The following HMCN1 variants were observed in gnomAD, a reference collection of about 807,000 sequenced individuals.
HMCN1 encodes the protein hemicentin-1.
In HMCN1, 321 loss-of-function variants were observed where a neutral mutation model predicts 625.9. The ratio of observed to expected loss-of-function variants is 0.51; its 90% CI spans 0.47 to 0.56. The LOEUF (loss-of-function observed/expected upper bound fraction) is 0.56, where lower values mean the gene tolerates loss of function less well. Ranked by LOEUF, HMCN1 falls within the 20% of genes least tolerant of loss-of-function variation. The pLI, the probability that HMCN1 is intolerant of heterozygous loss-of-function variation, is 0.00. For missense variants in HMCN1, 6,588 were observed against 6,887.3 expected, an observed-to-expected ratio of 0.96 and a Z score of 1.54; for synonymous variants, 2,425 against 2,417.6, an observed-to-expected ratio of 1.00 and a Z score of -0.09.
chr1:186,024,525 G>A (rs539285688), intron 36 of HMCN1, among the ~76,000 whole-genome samples: 3 of 152,170 alleles, frequency 2.0e-5, no homozygotes, highest in Non-Finnish European at 4.4e-5. Context: ...AAACAGTGAA[G>A]TGGGATACAA....
rs1413890407 is a variant in HMCN1 at position 185,977,871 on chromosome 1, A to G, written c.2456A>G (p.Tyr819Cys). ...NVTLPCYVQGYPEPTIKWRRL... is the reference protein window; with the variant it reads ...NVTLPCYVQGCPEPTIKWRRL... ...ACATTACCTTGTTATGTTCAGGGTT[A>G]TCCAGAACCAACAATCAAATGGCGA... Residue 819 changes from tyrosine (Y) to cysteine (C), a missense_variant, in exon 16 of 107, where the codon TAT (tyrosine) becomes TGT (cysteine). By Grantham distance (194) the Tyr-to-Cys change is radical (BLOSUM62 -2). This residue lies in a region of HMCN1 where 4,628 missense variants were observed against 4,853.1 expected (regional missense o/e 0.95). Transcript: ENST00000271588. 4.3e-6 allele frequency: 7 copies of G among 1,613,162 alleles called. No individual in the cohort carries two copies. The East Asian group carries it at 8.9e-5, about 21-fold the overall frequency.
rs541845249 is a variant in HMCN1 at position 186,144,155 on chromosome 1, C to G, written c.13925-18C>G. 1 of 1,576,530 alleles carries G rather than the reference C, an allele frequency of 6.3e-7. No individual in the cohort carries two copies. The highest frequency in any genetic ancestry group is 1.4e-5 in the African/African-American group (1 of 73,356). On this transcript the variant is annotated intron_variant, in intron 89 of 106. Transcript: ENST00000271588. ...ACACGGTTCTGTGACTTGCAACTGT[C>G]TTTTGGGGTGTTTGCAGTTCATGGA...
chr1:186,115,403 G>T lies in HMCN1; in HGVS notation c.11550G>T (p.Gln3850His). The T allele has an allele frequency of 6.2e-7, 1 of 1,613,204 alleles. No individual in the cohort carries two copies. The highest frequency in any genetic ancestry group is 1.1e-5 in the South Asian group (1 of 91,046). Residue 3850 changes from glutamine to histidine, a missense_variant, in exon 75 of 107, where the codon CAG becomes CAT. Around this residue, in one of 3 missense-constraint regions of HMCN1, gnomAD observed 4,628 missense variants for 4,853.1 expected, o/e 0.95. Transcript: ENST00000271588. ...ATCTTCTTAATGTGGATCAAAATCA[G>T]AACTCATACAGGTAAGGATAATTTA... ...NGHLLNVDQN[Q>H]NSYRLLSSGS... is the part of the protein sequence containing the mutation.
At chr1:185,870,269 T>G (rs1457513348) in intron 4 of HMCN1, among the ~76,000 whole-genome samples, 1 of 152,204 alleles carries the variant, frequency 6.6e-6, no homozygotes, top group Non-Finnish European at 1.5e-5. Flanking sequence ...ATTTATATGC[T>G]AGGTGGGTTG....
chr1:185,824,117 T>G (rs1387978530), intron 1 of HMCN1, among the ~76,000 whole-genome samples: 1 of 152,148 alleles, frequency 6.6e-6, no homozygotes, highest in African/African-American at 2.4e-5. Flanking sequence ...ATGTCCTGAG[T>G]ACTTGGCTTT....
chr1:186,103,493 C>G lies in HMCN1; in HGVS notation c.10595C>G (p.Ser3532Cys). 6.2e-7 allele frequency: 1 copy of G among 1,613,080 alleles called. No homozygotes were observed. Among genetic ancestry groups the G allele is most frequent in the Non-Finnish European group, 8.5e-7 (1 of 1,179,192 alleles). The change falls in exon 69 of 107, where the codon TCT (serine) becomes TGT (cysteine). Residue 3532 changes from serine (S) to cysteine (C), a missense_variant. By Grantham distance (112) the Ser-to-Cys change is moderately radical. Transcript: ENST00000271588. The stretch of plus-strand genomic sequence containing the variant: ...ATAGAACCACCTCACATTAATGGAT[C>G]TGAAGAACATGAAGAGATATCAGTA... ...KVLEPPHING[S>C]EEHEEISVIV...
chr1:185,786,840 T>G (rs1197033699), intron 1 of HMCN1, among the ~76,000 whole-genome samples: 3 of 152,214 alleles, frequency 2.0e-5, no homozygotes, highest in African/African-American at 4.8e-5. Context: ...TGTCATCATA[T>G]CGTATACTAT....
At chr1:186,164,619 CG>C (rs1651760305) in intron 97 of HMCN1, among the ~76,000 whole-genome samples, 1 of 152,182 alleles carries the variant, frequency 6.6e-6, no homozygotes, top group South Asian at 2.1e-4. Flanking sequence ...CTTGGTCACA[CG>C]TGGGGGATTT....
At chr1:185,931,770 A>C (rs1245990057) in intron 10 of HMCN1, among the ~76,000 whole-genome samples, 1 of 152,160 alleles carries the variant, frequency 6.6e-6, no homozygotes, top group Non-Finnish European at 1.5e-5. Flanking sequence ...TGTGGGCAGC[A>C]CTGGAAAGGG....
At chr1:185,739,473 T>A (rs1312332026) in intron 1 of HMCN1, among the ~76,000 whole-genome samples, 1 of 152,160 alleles carries the variant, frequency 6.6e-6, no homozygotes, top group Non-Finnish European at 1.5e-5. Flanking sequence ...TTATATCCCC[T>A]CCTCTCTTTA....
At chr1:186,176,569 A>G (rs1652594452) in intron 103 of HMCN1, among the ~76,000 whole-genome samples, 1 of 152,232 alleles carries the variant, frequency 6.6e-6, no homozygotes, top group Non-Finnish European at 1.5e-5. Context: ...CATTAATTCA[A>G]CAAATGTTTA....
intron 4 of HMCN1, among the ~76,000 whole-genome samples, chr1:185,887,564 T>C (rs1265546361): frequency 2.0e-5 from 3 of 151,564 alleles, no homozygotes; most frequent in Non-Finnish European, 2.9e-5. Flanking sequence ...GGTGTTTGGT[T>C]TTTTGTTCTT....
chr1:186,086,814 TGATA>T (rs10523445), intron 58 of HMCN1, among the ~76,000 whole-genome samples: 20,774 of 72,710 alleles, frequency 0.29, 1,771 homozygotes, highest in Middle Eastern at 0.38. Flanking sequence ...GATAGATAGA[TGATA>T]GATAGATAGA....
chr1:186,128,008 C>G, intron 82 of HMCN1, 70 bp from the exon 83 acceptor site: 1 of 1,295,142 alleles, frequency 7.7e-7, no homozygotes, highest in Non-Finnish European at 1.1e-6. Flanking sequence ...CCTAGCTATG[C>G]AATTTGATGT....
At chr1:186,063,449 AGAAGGAAGGAAGGAAGGAAGGAAGGAAG>A (rs71798893) in intron 48 of HMCN1, among the ~76,000 whole-genome samples, 1,835 of 104,372 alleles carry the variant, frequency 0.018, 74 homozygotes, top group African/African-American at 0.061. Flanking sequence ...GGACGGAGAG[AGAAGGAAGGAAGGAAGGAAGGAAGGAAG>A]GAAGGAAGGA....
Position 186,015,413 on chromosome 1 carries a change from A to G in HMCN1, c.4885A>G (p.Lys1629Glu). Residue 1629 changes from lysine (K) to glutamate (E), a missense_variant, in exon 31 of 107, where the codon AAA (lysine) becomes GAA (glutamate). Physicochemically the swap from Lys to Glu is moderately conservative, Grantham distance 56 (BLOSUM62 1). This residue lies in a region of HMCN1 where 4,628 missense variants were observed against 4,853.1 expected (regional missense o/e 0.95). Transcript: ENST00000271588. ...HVANVAGTAE[K>E]SFHVDVYVPP... ...AGCCAATGTTGCTGGAACTGCTGAA[A>G]AATCATTCCATGTGGATGTCTATGG... 6.2e-7 allele frequency: 1 copy of G among 1,613,608 alleles called. No individual in the cohort carries two copies. Among genetic ancestry groups the G allele is most frequent in the Admixed American group, 1.7e-5 (1 of 59,972 alleles).
chr1:185,890,043 G>GT lies in HMCN1; in HGVS notation c.622-19293dup, dbSNP rs1664952671. 2.0e-5 allele frequency among the ~76,000 whole-genome samples: 3 copies of GT among 151,642 alleles called. No individual in the cohort carries two copies. The South Asian group carries it at 6.2e-4, about 31-fold the overall frequency. On this transcript the variant is annotated intron_variant, in intron 4 of 106. Transcript: ENST00000271588. ...TTCTTCCTGGTTTAGTCTTGGGAGA[G>GT]TGTATGTGTCAAGGAATTTATCCAT...
chr1:185,774,726 G>T (rs902050129), intron 1 of HMCN1, among the ~76,000 whole-genome samples: 1 of 152,086 alleles, frequency 6.6e-6, no homozygotes, highest in African/African-American at 2.4e-5. Flanking sequence ...TAGATTAACT[G>T]GTAAAGTAGT....
At chr1:185,902,086 TTTC>T (rs1240659448) in intron 4 of HMCN1, among the ~76,000 whole-genome samples, 2 of 151,710 alleles carry the variant, frequency 1.3e-5, no homozygotes, top group Middle Eastern at 3.2e-3. Flanking sequence ...TAGCTCATAG[TTTC>T]TTCTTCTCTT....
Sources: allele counts gnomAD v4.1 joint callset (sites outside exome capture counted in the v4.1 genomes callset), GRCh38; gene constraint gnomAD v4.1.1; regional missense constraint gnomAD v4.1.1; transcripts MANE v1.5; gene names NCBI Gene and HGNC (gene_info 2026-07-23, HGNC 2026-07-21).